MTUS2: variants seen among roughly 807,000 people sequenced by gnomAD.
MTUS2 encodes microtubule-associated tumor suppressor candidate 2.
A neutral mutation model predicts 114.1 loss-of-function variants in MTUS2; 40 were observed. The ratio of observed to expected loss-of-function variants is 0.35; its 90% CI spans 0.27 to 0.46. The LOEUF (loss-of-function observed/expected upper bound fraction) is 0.46. Ranked by LOEUF, MTUS2 falls within the 20% of genes least tolerant of loss-of-function variation. The pLI is 1.00. For missense variants in MTUS2, 1,679 were observed against 1,705.4 expected (o/e 0.98, Z 0.27); for synonymous variants, 688 against 672.0 (o/e 1.02, Z -0.37).
At chr13:28,874,491 A>G (rs1160415022) in intron 2 of MTUS2, among the ~76,000 whole-genome samples, 2 of 152,146 alleles carry the variant, frequency 1.3e-5, no homozygotes, top group Admixed American at 1.3e-4. Flanking sequence ...AGACAGTTGT[A>G]AACAGCAGTC....
At chr13:28,966,566 T>A (rs1357785253) in intron 2 of MTUS2, among the ~76,000 whole-genome samples, 2 of 151,324 alleles carry the variant, frequency 1.3e-5, no homozygotes, top group South Asian at 2.1e-4. Flanking sequence ...TACAAAAAAT[T>A]AAAAAGCAAT....
rs565964341 is a variant in MTUS2 at position 29,267,383 on chromosome 13, C to A, written c.2645-14321C>A. 4.6e-5 allele frequency among the ~76,000 whole-genome samples: 7 copies of A among 152,206 alleles called. No homozygotes were observed. In the South Asian group the frequency reaches 1.5e-3, roughly 32 times the overall value. ...CTTGAGTGCCTTCTCTAGTTCTGTC[C>A]CTTGTGTTTCTTTCATAACAAATCA... On this transcript the variant is annotated intron_variant, in intron 5 of 15. Coordinates refer to ENST00000612955, the MANE Select transcript of MTUS2 (RefSeq NM_001033602.4).
chr13:28,890,791 T>C (rs1593274465), intron 2 of MTUS2, among the ~76,000 whole-genome samples: 1 of 152,206 alleles, frequency 6.6e-6, no homozygotes, highest in East Asian at 1.9e-4. Flanking sequence ...GTCTCATGGC[T>C]TTTTGGTGTT....
intron 8 of MTUS2, among the ~76,000 whole-genome samples, chr13:29,380,270 A>G (rs1008921427): frequency 2.0e-5 from 3 of 152,354 alleles, no homozygotes; most frequent in Non-Finnish European, 4.4e-5. Flanking sequence ...CTGGCTCAGA[A>G]CAGCCAACAC....
intron 5 of MTUS2, among the ~76,000 whole-genome samples, chr13:29,121,033 C>G (rs1446731833): frequency 6.6e-6 from 1 of 152,156 alleles, no homozygotes; most frequent in Non-Finnish European, 1.5e-5. Flanking sequence ...TGAAATTTTG[C>G]CATCTTCCTG....
At chr13:29,134,206 G>A (rs532361875) in intron 5 of MTUS2, among the ~76,000 whole-genome samples, 7 of 151,968 alleles carry the variant, frequency 4.6e-5, no homozygotes, top group African/African-American at 1.7e-4. Context: ...CTTTCCTTCT[G>A]TTACTGATTT....
At chr13:28,862,422 C>T (rs1461737654) in intron 2 of MTUS2, among the ~76,000 whole-genome samples, 2 of 152,110 alleles carry the variant, frequency 1.3e-5, no homozygotes, top group African/African-American at 4.8e-5. Context: ...ACCAGCCTGG[C>T]CAATATGGTA....
chr13:29,113,189 C>A (rs1890949958), intron 5 of MTUS2, among the ~76,000 whole-genome samples: 1 of 152,146 alleles, frequency 6.6e-6, no homozygotes, highest in African/African-American at 2.4e-5. Context: ...TCAAGTGATA[C>A]ATACAACTCT....
chr13:29,187,411 G>A (rs1894272002), intron 5 of MTUS2, among the ~76,000 whole-genome samples: 1 of 152,124 alleles, frequency 6.6e-6, no homozygotes, highest in Non-Finnish European at 1.5e-5. Context: ...GTATGAAAGA[G>A]GGACATTACT....
intron 2 of MTUS2, among the ~76,000 whole-genome samples, chr13:28,935,583 T>G (rs932717949): frequency 2.0e-5 from 3 of 152,146 alleles, no homozygotes; most frequent in African/African-American, 7.2e-5. Flanking sequence ...TTACATGCTG[T>G]CCTCTCGTGG....
chr13:29,336,163 C>T (rs1901053126), intron 7 of MTUS2, among the ~76,000 whole-genome samples: 1 of 152,212 alleles, frequency 6.6e-6, no homozygotes, highest in South Asian at 2.1e-4. Flanking sequence ...ACTCATTCTC[C>T]ATCCAGTTTG....
Position 29,100,825 on chromosome 13 carries a change from A to G in MTUS2, c.2499A>G (p.Lys833=), listed in dbSNP as rs1890381101. 2 of 1,551,700 alleles carry G rather than the reference A, an allele frequency of 1.3e-6. No homozygotes were observed. Among genetic ancestry groups the G allele is most frequent in the Non-Finnish European group, 1.7e-6 (2 of 1,147,022 alleles). The change falls in exon 5 of 16, where the codon AAA becomes AAG. Residue 833 remains lysine (K), a synonymous_variant. Coordinates refer to ENST00000612955, the MANE Select transcript of MTUS2 (RefSeq NM_001033602.4). ...ATGCTGCAAAATCCAATCTCCCGAA[A>G]TCTGGTCTCCGTCCTCCCGGATACT... ...SSNAAKSNLP[K]SGLRPPGYSR...
intron 2 of MTUS2, among the ~76,000 whole-genome samples, chr13:29,023,434 C>A (rs1258164675): frequency 6.6e-6 from 1 of 152,208 alleles, no homozygotes; most frequent in Non-Finnish European, 1.5e-5. Flanking sequence ...GCCAGTTTCT[C>A]TCTTTTACTC....
At chr13:29,220,843 C>T (rs933445951) in intron 5 of MTUS2, among the ~76,000 whole-genome samples, 9 of 152,132 alleles carry the variant, frequency 5.9e-5, no homozygotes, top group Non-Finnish European at 8.8e-5. Context: ...ACAGGGTTTC[C>T]GCAGACCTTC....
At chr13:29,354,589 AAAG>A (rs1178012518) in intron 7 of MTUS2, among the ~76,000 whole-genome samples, 1 of 152,166 alleles carries the variant, frequency 6.6e-6, no homozygotes, top group East Asian at 1.9e-4. Flanking sequence ...TCAAAATAAA[AAAG>A]AATCTGCTCC....
At chr13:29,001,425 G>A (rs899942839) in intron 2 of MTUS2, among the ~76,000 whole-genome samples, 5 of 152,152 alleles carry the variant, frequency 3.3e-5, no homozygotes, top group African/African-American at 1.2e-4. Context: ...CTAGATGACA[G>A]GTTGCACGTG....
intron 6 of MTUS2, among the ~76,000 whole-genome samples, chr13:29,286,359 A>G (rs1324238324): frequency 2.6e-5 from 4 of 152,248 alleles, no homozygotes; most frequent in South Asian, 2.1e-4. Flanking sequence ...AGCAGAGTCT[A>G]TGACATAAAA....
chr13:29,262,273 A>G (rs1035368299), intron 5 of MTUS2, among the ~76,000 whole-genome samples: 3 of 152,228 alleles, frequency 2.0e-5, no homozygotes, highest in Admixed American at 1.3e-4. Context: ...TTGGGCTGTG[A>G]AGAACTGCTA....
intron 6 of MTUS2, chr13:29,307,603 T>G: frequency 8.5e-7 from 1 of 1,171,520 alleles, no homozygotes; most frequent in South Asian, 1.2e-5. Flanking sequence ...CATCCTGGGC[T>G]ACACTGAGTA....
Sources: allele counts gnomAD v4.1 joint callset (sites outside exome capture counted in the v4.1 genomes callset), GRCh38; gene constraint gnomAD v4.1.1; transcripts MANE v1.5; gene names NCBI Gene and HGNC (gene_info 2026-07-23, HGNC 2026-07-21).